The following NALF1 variants were observed in gnomAD, a reference collection of about 807,000 sequenced individuals.
NALF1 encodes family with sequence similarity 155 member A.
Under a neutral mutation model 48.4 loss-of-function variants are expected in NALF1, and 3 were observed. The observed-to-expected ratio is 0.06, with a 90% confidence interval of 0.03 to 0.16. The LOEUF (loss-of-function observed/expected upper bound fraction) is 0.16. Among genes scored for constraint, NALF1 ranks in the 10% least tolerant of loss-of-function variants. The pLI is 1.00. For synonymous variants in NALF1, 262 were observed against 245.7 expected (o/e 1.07, Z -0.62); for missense variants, 526 against 571.5 (o/e 0.92, Z 0.81).
At chr13:107,300,066 G>A (rs767587375) in intron 1 of NALF1, among the ~76,000 whole-genome samples, 9 of 152,210 alleles carry the variant, frequency 5.9e-5, no homozygotes, top group Non-Finnish European at 1.5e-5. Context: ...AAGATTTGCA[G>A]GGGGCTGGAG....
At chr13:107,317,796 C>A (rs866490575) in intron 1 of NALF1, among the ~76,000 whole-genome samples, 2 of 151,506 alleles carry the variant, frequency 1.3e-5, no homozygotes, top group Middle Eastern at 3.4e-3. Context: ...TGAGAGAAAA[C>A]AATGAGATAA....
chr13:107,359,772 G>A (rs1038198133), intron 1 of NALF1, among the ~76,000 whole-genome samples: 3 of 152,086 alleles, frequency 2.0e-5, no homozygotes, highest in East Asian at 1.9e-4. Flanking sequence ...CAAAGATTCT[G>A]TCTTTGTTAG....
intron 1 of NALF1, among the ~76,000 whole-genome samples, chr13:107,560,311 G>A (rs1043374356): frequency 1.3e-5 from 2 of 152,072 alleles, no homozygotes; most frequent in African/African-American, 4.8e-5. Flanking sequence ...ATGGGACTAG[G>A]GGGGAATGTT....
intron 1 of NALF1, among the ~76,000 whole-genome samples, chr13:107,703,510 T>C (rs1278189749): frequency 6.6e-6 from 1 of 151,966 alleles, no homozygotes; most frequent in East Asian, 1.9e-4. Flanking sequence ...CACATCACCA[T>C]ACCTGGCTAA....
chr13:107,181,616 T>C (rs1398658466), intron 2 of NALF1, among the ~76,000 whole-genome samples: 4 of 151,110 alleles, frequency 2.6e-5, no homozygotes, highest in Non-Finnish European at 4.4e-5. Flanking sequence ...ATATAGACTT[T>C]TTTTTTTTTT....
intron 1 of NALF1, among the ~76,000 whole-genome samples, chr13:107,668,647 G>T (rs1880917440): frequency 6.6e-6 from 1 of 151,998 alleles, no homozygotes; most frequent in African/African-American, 2.4e-5. Flanking sequence ...CCATACCCTA[G>T]AACTTACACA....
At chr13:107,450,468 G>A (rs1884722422) in intron 1 of NALF1, among the ~76,000 whole-genome samples, 1 of 152,122 alleles carries the variant, frequency 6.6e-6, no homozygotes, top group African/African-American at 2.4e-5. Flanking sequence ...AGCTGTTTTT[G>A]CAGTGGGGTT....
chr13:107,624,638 C>T (rs1879616593), intron 1 of NALF1, among the ~76,000 whole-genome samples: 1 of 152,142 alleles, frequency 6.6e-6, no homozygotes, highest in South Asian at 2.1e-4. Context: ...TGGGTTCTTT[C>T]AAATTTTTGC....
chr13:107,866,212 G>T lies in NALF1; in HGVS notation c.385C>A (p.Pro129Thr). 6.3e-7 allele frequency: 1 copy of T among 1,597,968 alleles called. No homozygotes were observed. Among genetic ancestry groups the T allele is most frequent in the Non-Finnish European group, 8.5e-7 (1 of 1,172,922 alleles). ...TCTCCCGGGGAGGGGGGCAGGGTGG[G>T]GGACGAGGAGGCGGAGAGGAGTCTG... ...AHRLLSASSSPTLPPSPGDGG... is the reference protein window; with the variant it reads ...AHRLLSASSSTTLPPSPGDGG... Residue 129 changes from proline (P) to threonine (T), a missense_variant, in exon 1 of 3, where the codon CCC (proline) becomes ACC (threonine). By Grantham distance (38) the Pro-to-Thr change is conservative. Transcript: ENST00000375915. This position sits in a 1 kb window ranked among gnomAD's most constrained non-coding sequence, Gnocchi z 4.4.
At chr13:107,400,691 G>A (rs146144095) in intron 1 of NALF1, among the ~76,000 whole-genome samples, 6 of 150,622 alleles carry the variant, frequency 4.0e-5, no homozygotes, top group East Asian at 2.0e-4. Context: ...GTGACAGAGC[G>A]AGACTCTGTC....
At chr13:107,220,912 G>A (rs1879977936) in intron 1 of NALF1, among the ~76,000 whole-genome samples, 1 of 151,844 alleles carries the variant, frequency 6.6e-6, no homozygotes, top group Non-Finnish European at 1.5e-5. Flanking sequence ...AGACAGCAAG[G>A]GAAGGAAGGA....
At chr13:107,812,557 C>T (rs1351485400) in intron 1 of NALF1, among the ~76,000 whole-genome samples, 1 of 152,076 alleles carries the variant, frequency 6.6e-6, no homozygotes, top group African/African-American at 2.4e-5. Context: ...AATATTCAAA[C>T]TTCTCTGTAT....
intron 1 of NALF1, among the ~76,000 whole-genome samples, chr13:107,284,044 A>G (rs1211457378): frequency 6.6e-6 from 1 of 152,198 alleles, no homozygotes; most frequent in Non-Finnish European, 1.5e-5. Context: ...CAAAAACATT[A>G]AAAGACAAAT....
At chr13:107,669,443 G>C (rs1253542335) in intron 1 of NALF1, among the ~76,000 whole-genome samples, 1 of 152,096 alleles carries the variant, frequency 6.6e-6, no homozygotes, top group East Asian at 1.9e-4. Flanking sequence ...ACACGTGATT[G>C]TAAGCTCATG....
rs1421659235 is a variant in NALF1, at chr13:107,299,475, TA to T, written c.916-88721del. Among the ~76,000 whole-genome samples the T allele has an allele frequency of 2.1e-3, 276 of 128,464 alleles. 2 individuals are homozygous for T. The highest frequency in any genetic ancestry group is 0.014 in the East Asian group (46 of 3,402). 84.3% of individuals were successfully genotyped at this position (128,464 alleles called of 152,430 possible). ...TAATAATAATAATAATAATAATAAA[TA>T]AATAAATAAATAAAAAAGAAGGATA... On this transcript the variant is annotated intron_variant, in intron 1 of 2. Coordinates refer to ENST00000375915, the MANE Select transcript of NALF1 (RefSeq NM_001080396.3).
chr13:107,246,738 T>C (rs917212019), intron 1 of NALF1, among the ~76,000 whole-genome samples: 1 of 152,214 alleles, frequency 6.6e-6, no homozygotes, highest in Non-Finnish European at 1.5e-5. Flanking sequence ...AGTTTATATT[T>C]GCTCTCAAAT....
At chr13:107,177,101 TAAAG>T (rs949526273) in intron 2 of NALF1, among the ~76,000 whole-genome samples, 16 of 151,836 alleles carry the variant, frequency 1.1e-4, no homozygotes, top group Admixed American at 2.6e-4. Flanking sequence ...GAAAAAGAAA[TAAAG>T]AAAGTTATCC....
At chr13:107,764,162 A>G (rs996295685) in intron 1 of NALF1, among the ~76,000 whole-genome samples, 67 of 152,282 alleles carry the variant, frequency 4.4e-4, no homozygotes, top group African/African-American at 1.6e-3. Flanking sequence ...AAAAGGCAAC[A>G]TATTTAGATA....
At chr13:107,784,376 G>C (rs370082691) in intron 1 of NALF1, among the ~76,000 whole-genome samples, 30 of 152,238 alleles carry the variant, frequency 2.0e-4, no homozygotes, top group Middle Eastern at 3.4e-3. Flanking sequence ...GCTGTTCCTA[G>C]TTGTCAGTTC....
Sources: gnomAD v4.1 joint callset for allele counts (sites outside exome capture counted in the v4.1 genomes callset) on GRCh38, gnomAD v4.1.1 for gene constraint, Gnocchi (gnomAD v3.1) non-coding constraint, MANE v1.5 for transcripts, NCBI Gene and HGNC (gene_info 2026-07-23, HGNC 2026-07-21) for gene names.